Variants in EYA4 observed in about 807,000 individuals in gnomAD.
EYA4 encodes the protein protein phosphatase EYA4.
EYA4 carries 31 observed loss-of-function variants against 87.9 expected under a neutral mutation model. The ratio of observed to expected loss-of-function variants is 0.35; its 90% confidence interval spans 0.27 to 0.48. EYA4 has a LOEUF of 0.48. Among genes scored for constraint, EYA4 ranks in the 20% least tolerant of loss-of-function variants. EYA4 has a pLI of 0.99. For synonymous variants in EYA4, 263 were observed against 270.6 expected (o/e 0.97, Z 0.28); for missense variants, 678 against 761.4 (o/e 0.89, Z 1.29).
intron 12 of EYA4, 61 bp downstream of exon 12, chr6:133,481,660 C>CTCTA: frequency 6.5e-7 from 1 of 1,540,352 alleles, no homozygotes; most frequent in Non-Finnish European, 9.0e-7. Flanking sequence ...ATGATACATT[C>CTCTA]TCTATCTTAC....
chr6:133,301,993 T>C (rs376022019), intron 2 of EYA4, among the ~76,000 whole-genome samples: 13 of 152,256 alleles, frequency 8.5e-5, no homozygotes, highest in African/African-American at 2.6e-4. Context: ...GAGAGTGATA[T>C]TTAGGCTTAG....
intron 14 of EYA4, chr6:133,507,287 T>G (rs1294069288): frequency 6.6e-6 from 1 of 152,224 alleles, no homozygotes; most frequent in African/African-American, 2.4e-5. Flanking sequence ...CAGATTTGCG[T>G]GGCTCCAGAG....
rs551220865 is a variant in EYA4 at position 133,480,864 on chromosome 6, C to A, written c.971-599C>A. ...TTTTATGTAAAAGAGAAAATGGAAG[C>A]AAATAGTATCTAGATGGAAATTCCA... On this transcript the variant is annotated intron_variant, in intron 11 of 19. Transcript: ENST00000355286. Among the ~76,000 whole-genome samples the A allele has an allele frequency of 3.9e-5, 6 of 151,922 alleles. No individual in the cohort carries two copies. The South Asian group carries it at 1.2e-3, about 32-fold the overall frequency.
intron 2 of EYA4, among the ~76,000 whole-genome samples, chr6:133,353,126 T>A (rs899561988): frequency 2.0e-5 from 3 of 152,152 alleles, no homozygotes; most frequent in African/African-American, 7.2e-5. Context: ...GCTGAGAATG[T>A]TTATTCTCCC....
chr6:133,427,049 A>G (rs1790739157), intron 3 of EYA4, among the ~76,000 whole-genome samples: 1 of 152,250 alleles, frequency 6.6e-6, no homozygotes, highest in Non-Finnish European at 1.5e-5. Flanking sequence ...TTGTCTGTAA[A>G]GGAAAGCCAA....
chr6:133,327,313 G>A (rs1781576476), intron 2 of EYA4, among the ~76,000 whole-genome samples: 1 of 151,806 alleles, frequency 6.6e-6, no homozygotes, highest in African/African-American at 2.4e-5. Flanking sequence ...AATTTTTTGA[G>A]TAGAGACGGG....
intron 3 of EYA4, among the ~76,000 whole-genome samples, chr6:133,433,653 C>T (rs531083136): frequency 6.6e-6 from 1 of 152,218 alleles, no homozygotes; most frequent in South Asian, 2.1e-4. Flanking sequence ...TGTGGCTGGC[C>T]AACATGTTTA....
intron 7 of EYA4, 149 bp from the exon 8 acceptor site, chr6:133,462,186 C>T: frequency 1.1e-6 from 1 of 950,104 alleles, no homozygotes. Flanking sequence ...TCCTGACATT[C>T]AGACTGTTGC....
chr6:133,397,177 A>G (rs1003192657), intron 3 of EYA4, among the ~76,000 whole-genome samples: 1 of 152,206 alleles, frequency 6.6e-6, no homozygotes, highest in African/African-American at 2.4e-5. Flanking sequence ...CATCCACATG[A>G]CAGTATAGGC....
intron 3 of EYA4, among the ~76,000 whole-genome samples, chr6:133,402,999 T>C (rs1788396079): frequency 6.6e-6 from 1 of 152,174 alleles, no homozygotes; most frequent in Admixed American, 6.5e-5. Flanking sequence ...GGTTTTATCA[T>C]GGGGCTAATA....
At chr6:133,348,368 G>A (rs1054704381) in intron 2 of EYA4, among the ~76,000 whole-genome samples, 7 of 148,844 alleles carry the variant, frequency 4.7e-5, no homozygotes, top group African/African-American at 1.7e-4. Flanking sequence ...CCACCTCCCG[G>A]GTTCAAGCAG....
chr6:133,247,677 T>C (rs1007118419), intron 1 of EYA4: 4 of 152,210 alleles, frequency 2.6e-5, no homozygotes, highest in Non-Finnish European at 5.9e-5. Context: ...TATTTACTTA[T>C]ATACTCAGCC....
At chr6:133,456,099 G>C (rs1460885608) in intron 5 of EYA4, among the ~76,000 whole-genome samples, 1 of 152,064 alleles carries the variant, frequency 6.6e-6, no homozygotes, top group Non-Finnish European at 1.5e-5. Flanking sequence ...TTGTGTGAAT[G>C]AGCCCATGGT....
At position 133,419,309 on chromosome 6, in the gene EYA4, G is replaced by A. The variant is rs971030977; in HGVS notation, c.84-27321G>A. ...AAATGGAAAATTTAGTTTGCATGTG[G>A]AATAATTTCCCTTTGCAAGTCAATT... is the stretch of plus-strand genomic sequence containing the variant. On this transcript the variant is annotated intron_variant, in intron 3 of 19. Coordinates refer to ENST00000355286, the MANE Select transcript of EYA4 (RefSeq NM_004100.5). Among the ~76,000 whole-genome samples the A allele has an allele frequency of 2.0e-5, 3 of 152,130 alleles. No individual in the cohort carries two copies. In the East Asian group the frequency reaches 5.8e-4, roughly 29 times the overall value.
intron 2 of EYA4, among the ~76,000 whole-genome samples, chr6:133,293,244 TA>T (rs1208403549): frequency 6.6e-6 from 1 of 152,200 alleles, no homozygotes; most frequent in Non-Finnish European, 1.5e-5. Context: ...AAAGATCCAC[TA>T]AAAGATGACA....
chr6:133,326,892 G>T (rs372357075), intron 2 of EYA4, among the ~76,000 whole-genome samples: 37 of 152,204 alleles, frequency 2.4e-4, no homozygotes, highest in Middle Eastern at 3.4e-3. Flanking sequence ...TCTCAGAACT[G>T]GCCTGACCCA....
chr6:133,408,172 G>T (rs1788890769), intron 3 of EYA4, among the ~76,000 whole-genome samples: 1 of 152,086 alleles, frequency 6.6e-6, no homozygotes, highest in Non-Finnish European at 1.5e-5. Context: ...TTTACATTTG[G>T]CCCCTTTGCA....
At chr6:133,454,454 G>C (rs1793736242) in intron 5 of EYA4, among the ~76,000 whole-genome samples, 1 of 152,196 alleles carries the variant, frequency 6.6e-6, no homozygotes, top group Non-Finnish European at 1.5e-5. Flanking sequence ...TGGTTTAAGA[G>C]TTTGGATTCT....
intron 1 of EYA4, among the ~76,000 whole-genome samples, chr6:133,243,220 C>G (rs997228940): frequency 1.3e-5 from 2 of 151,446 alleles, no homozygotes; most frequent in Non-Finnish European, 2.9e-5. Flanking sequence ...CAGACACTTC[C>G]AAAATCTGAT....
Sources: allele counts gnomAD v4.1 joint callset (sites outside exome capture counted in the v4.1 genomes callset), GRCh38; gene constraint gnomAD v4.1.1; transcripts MANE v1.5; gene names NCBI Gene and HGNC (gene_info 2026-07-23, HGNC 2026-07-21).